DCLK1: variants seen among roughly 807,000 people sequenced by gnomAD.
DCLK1 encodes the protein serine/threonine-protein kinase DCLK1.
A neutral mutation model predicts 86.2 loss-of-function variants in DCLK1; 16 were observed. The ratio of observed to expected loss-of-function variants is 0.19; its 90% CI spans 0.13 to 0.28. DCLK1 has a LOEUF of 0.28. Among genes scored for constraint, DCLK1 ranks in the 10% least tolerant of loss-of-function variants. The probability of loss-of-function intolerance (pLI) is 1.00; values close to 1 mark genes in which losing one functional copy is unlikely to be tolerated. For synonymous variants in DCLK1, 369 were observed against 370.5 expected (o/e 1.00, Z 0.05); for missense variants, 590 against 940.2 (o/e 0.63, Z 4.87).
At chr13:35,911,144 A>C (rs76106682) in intron 4 of DCLK1, among the ~76,000 whole-genome samples, 1 of 149,314 alleles carries the variant, frequency 6.7e-6, no homozygotes. Context: ...AAAAAAAAAA[A>C]CTAGCCAGGC....
chr13:35,816,733 C>T (rs902914635), intron 11 of DCLK1, among the ~76,000 whole-genome samples: 3 of 152,216 alleles, frequency 2.0e-5, no homozygotes, highest in African/African-American at 7.2e-5. Flanking sequence ...CCTGCCACTA[C>T]TGGTGGTCTA....
chr13:36,065,185 T>A (rs1325161964), intron 3 of DCLK1, among the ~76,000 whole-genome samples: 1 of 152,208 alleles, frequency 6.6e-6, no homozygotes, highest in Non-Finnish European at 1.5e-5. Flanking sequence ...TACCACATAC[T>A]ATGTGATCTT....
intron 5 of DCLK1, among the ~76,000 whole-genome samples, chr13:35,858,475 G>A (rs1871203995): frequency 1.3e-5 from 2 of 152,162 alleles, no homozygotes; most frequent in Admixed American, 1.3e-4. Flanking sequence ...GAAGATGGCA[G>A]AGTTAAAGCT....
intron 3 of DCLK1, among the ~76,000 whole-genome samples, chr13:36,099,507 T>C (rs1303806681): frequency 6.6e-6 from 1 of 152,136 alleles, no homozygotes; most frequent in Non-Finnish European, 1.5e-5. Flanking sequence ...CTGAAAGGAC[T>C]CTTCCCTTAG....
At chr13:36,112,464 C>T (rs761494506) in intron 2 of DCLK1, among the ~76,000 whole-genome samples, 6 of 152,022 alleles carry the variant, frequency 3.9e-5, no homozygotes, top group Non-Finnish European at 7.4e-5. Flanking sequence ...ATCTTAAGGT[C>T]GGTGATAGAA....
chr13:36,032,062 G>T (rs1412367121), intron 3 of DCLK1, among the ~76,000 whole-genome samples: 3 of 152,082 alleles, frequency 2.0e-5, no homozygotes, highest in Non-Finnish European at 2.9e-5. Flanking sequence ...CCCCACAGTG[G>T]GTTGTCAACT....
intron 3 of DCLK1, among the ~76,000 whole-genome samples, chr13:35,950,988 C>A (rs1877635350): frequency 6.6e-6 from 1 of 151,984 alleles, no homozygotes; most frequent in South Asian, 2.1e-4. Flanking sequence ...AGTGGATTTT[C>A]TCAGCCCTAC....
chr13:35,958,219 C>CCAA (rs1462245215), intron 3 of DCLK1, among the ~76,000 whole-genome samples: 1 of 80,756 alleles, frequency 1.2e-5, no homozygotes, highest in Non-Finnish European at 2.7e-5. Flanking sequence ...ACCATCACCA[C>CCAA]CACCACTATA....
intron 3 of DCLK1, among the ~76,000 whole-genome samples, chr13:36,061,093 G>A (rs960203450): frequency 6.6e-6 from 1 of 152,132 alleles, no homozygotes; most frequent in African/African-American, 2.4e-5. Flanking sequence ...GGAAGCATGT[G>A]GTGATGGCGA....
chr13:35,946,400 A>C (rs1877382161), intron 4 of DCLK1, among the ~76,000 whole-genome samples: 1 of 152,240 alleles, frequency 6.6e-6, no homozygotes, highest in African/African-American at 2.4e-5. Context: ...GCATTAACAC[A>C]CATCTGCAGT....
intron 16 of DCLK1, among the ~76,000 whole-genome samples, chr13:35,788,678 G>A (rs76566268): frequency 0.029 from 4,344 of 152,216 alleles, 221 homozygotes; most frequent in African/African-American, 0.099. Flanking sequence ...GAGTATTACC[G>A]CATAAGGCTT....
chr13:36,045,374 A>ATATATATT (rs1882869183), intron 3 of DCLK1, among the ~76,000 whole-genome samples: 1 of 124,788 alleles, frequency 8.0e-6, no homozygotes, highest in Admixed American at 8.2e-5. Context: ...ATATATATAT[A>ATATATATT]TATTTCAAGG....
rs146641760 is a variant in DCLK1 at position 36,099,058 on chromosome 13, C to T, written c.723+12811G>A. Among the ~76,000 whole-genome samples, 384 of 151,900 alleles carry T rather than the reference C, an allele frequency of 2.5e-3. 1 individual carries two copies. Among genetic ancestry groups the T allele is most frequent in the African/African-American group, 8.3e-3 (342 of 41,414 alleles). On this transcript the variant is annotated intron_variant, in intron 3 of 16. Coordinates refer to ENST00000360631, the MANE Select transcript of DCLK1 (RefSeq NM_001330071.2). The stretch of plus-strand genomic sequence containing the variant: ...TCAAAGCTCACTGCAACCTCCGCCT[C>T]CTGGGTTCAAGCGATTCTCCTGCCT...
At chr13:36,049,390 T>C (rs1222255017) in intron 3 of DCLK1, among the ~76,000 whole-genome samples, 3 of 152,192 alleles carry the variant, frequency 2.0e-5, no homozygotes, top group South Asian at 4.1e-4. Flanking sequence ...TCAGGAGACA[T>C]TTAATGCACT....
chr13:35,787,930 T>C (rs990388774), intron 16 of DCLK1: 11 of 403,936 alleles, frequency 2.7e-5, no homozygotes, highest in African/African-American at 2.2e-4. Flanking sequence ...AGGAAAATGC[T>C]TTGGCATTAG....
chr13:35,869,905 T>C (rs1872149542), intron 5 of DCLK1, among the ~76,000 whole-genome samples: 1 of 152,166 alleles, frequency 6.6e-6, no homozygotes, highest in Non-Finnish European at 1.5e-5. Context: ...TTTAGGTCCT[T>C]AGTCAGAATC....
intron 4 of DCLK1, among the ~76,000 whole-genome samples, chr13:35,879,504 G>A (rs1872765068): frequency 6.6e-6 from 1 of 152,186 alleles, no homozygotes; most frequent in African/African-American, 2.4e-5. Flanking sequence ...AGTCACATAA[G>A]AGAAAAGTTC....
intron 15 of DCLK1, among the ~76,000 whole-genome samples, chr13:35,801,328 G>T (rs1449969638): frequency 2.6e-5 from 4 of 152,080 alleles, no homozygotes; most frequent in Non-Finnish European, 4.4e-5. Context: ...GATTGTGAAA[G>T]CTTACTTTTA....
intron 3 of DCLK1, among the ~76,000 whole-genome samples, chr13:36,089,520 G>A (rs1210740103): frequency 6.6e-6 from 1 of 152,100 alleles, no homozygotes; most frequent in Non-Finnish European, 1.5e-5. Context: ...CCCTCGAACA[G>A]GAACTCCGGG....
Sources: allele counts gnomAD v4.1 joint callset (sites outside exome capture counted in the v4.1 genomes callset), GRCh38; gene constraint gnomAD v4.1.1; transcripts MANE v1.5; gene names NCBI Gene and HGNC (gene_info 2026-07-23, HGNC 2026-07-21).